The following GALNTL6 variants were observed in gnomAD, a reference collection of about 807,000 sequenced individuals.
GALNTL6 encodes polypeptide N-acetylgalactosaminyltransferase-like 6.
GALNTL6 carries 46 observed loss-of-function variants against 73.7 expected under a neutral mutation model. That is an observed-to-expected ratio of 0.62 (90% CI 0.49 to 0.80). The LOEUF (loss-of-function observed/expected upper bound fraction) is 0.80. Ranked by LOEUF, GALNTL6 falls within the 30% of genes least tolerant of loss-of-function variation. The pLI is 0.00. For missense variants in GALNTL6, 604 were observed against 755.0 expected, an observed-to-expected ratio of 0.80 and a Z score of 2.34; for synonymous variants, 259 against 263.7, an observed-to-expected ratio of 0.98 and a Z score of 0.17.
intron 5 of GALNTL6, among the ~76,000 whole-genome samples, chr4:172,788,950 G>A (rs1239520369): frequency 6.6e-6 from 1 of 152,078 alleles, no homozygotes; most frequent in Admixed American, 6.6e-5. Flanking sequence ...ACACTGTATT[G>A]AAAAAAATTA....
chr4:172,890,277 T>A (rs1215001873), intron 8 of GALNTL6, among the ~76,000 whole-genome samples: 2 of 152,196 alleles, frequency 1.3e-5, no homozygotes, highest in African/African-American at 4.8e-5. Context: ...ATTTCATTAT[T>A]TATTTTTTTC....
chr4:172,490,691 C>G (rs1364625330), intron 5 of GALNTL6, among the ~76,000 whole-genome samples: 1 of 152,050 alleles, frequency 6.6e-6, no homozygotes, highest in East Asian at 1.9e-4. Context: ...CAACAACACT[C>G]TGTGGTGTGC....
At chr4:171,860,542 A>G (rs926414144) in intron 2 of GALNTL6, among the ~76,000 whole-genome samples, 4 of 152,220 alleles carry the variant, frequency 2.6e-5, no homozygotes, top group Admixed American at 2.6e-4. Context: ...ACCACCAGAA[A>G]AAAGACTCTA....
At chr4:172,174,685 A>G (rs1180096119) in intron 2 of GALNTL6, among the ~76,000 whole-genome samples, 1 of 152,232 alleles carries the variant, frequency 6.6e-6, no homozygotes, top group African/African-American at 2.4e-5. Context: ...TTGCATAATC[A>G]TAAAGCAACT....
intron 5 of GALNTL6, among the ~76,000 whole-genome samples, chr4:172,524,356 C>A (rs13105650): frequency 0.15 from 22,497 of 152,078 alleles, 1,917 homozygotes; most frequent in Non-Finnish European, 0.21. Context: ...TCAAGCGATT[C>A]TCCTGCTTCA....
intron 4 of GALNTL6, among the ~76,000 whole-genome samples, chr4:172,317,639 G>A (rs1740608597): frequency 6.6e-6 from 1 of 151,956 alleles, no homozygotes; most frequent in South Asian, 2.1e-4. Context: ...ACTATAAATA[G>A]TTTTTATTTT....
At chr4:172,766,764 A>G (rs1738428569) in intron 5 of GALNTL6, among the ~76,000 whole-genome samples, 2 of 152,244 alleles carry the variant, frequency 1.3e-5, no homozygotes, top group Admixed American at 1.3e-4. Flanking sequence ...AATGCTTTTC[A>G]TCCAAGGATC....
At chr4:172,887,953 G>T (rs137940014) in intron 8 of GALNTL6, among the ~76,000 whole-genome samples, 2 of 152,288 alleles carry the variant, frequency 1.3e-5, no homozygotes, top group South Asian at 2.1e-4. Flanking sequence ...TACAATTGGT[G>T]ATGTTGAGCA....
At position 171,818,267 on chromosome 4, in the gene GALNTL6, A is replaced by G. The variant is rs113108053; in HGVS notation, c.138+3549A>G. Among the ~76,000 whole-genome samples, 1,089 of 151,892 alleles carry G rather than the reference A, an allele frequency of 7.2e-3. 9 individuals carry two copies. The highest frequency in any genetic ancestry group is 0.024 in the African/African-American group (1,015 of 41,520). ...GAACAAAACTACTATATCCAGTCTT[A>G]TTGTATTTCTCTTTTCTTAATCACT... On this transcript the variant is annotated intron_variant, in intron 2 of 12. Transcript: ENST00000506823.
chr4:173,002,176 G>A (rs1157630189), intron 10 of GALNTL6, among the ~76,000 whole-genome samples: 1 of 152,104 alleles, frequency 6.6e-6, no homozygotes. Flanking sequence ...CAGATCAAGA[G>A]GTCAGGAGAT....
intron 2 of GALNTL6, among the ~76,000 whole-genome samples, chr4:172,144,004 A>T (rs1310400382): frequency 6.6e-5 from 10 of 151,962 alleles, no homozygotes; most frequent in Admixed American, 6.6e-4. Context: ...AACCAGAACA[A>T]CTCTGACCTG....
intron 3 of GALNTL6, among the ~76,000 whole-genome samples, chr4:172,281,426 T>G (rs1231159330): frequency 6.6e-6 from 1 of 151,634 alleles, no homozygotes; most frequent in Non-Finnish European, 1.5e-5. Context: ...CCAGGCGTGA[T>G]GTTCACGCCT....
chr4:172,389,322 A>T (rs1030753783), intron 5 of GALNTL6, among the ~76,000 whole-genome samples: 1 of 152,098 alleles, frequency 6.6e-6, no homozygotes, highest in African/African-American at 2.4e-5. Flanking sequence ...GATATAATTA[A>T]AGTAAGACTA....
intron 2 of GALNTL6, among the ~76,000 whole-genome samples, chr4:172,158,150 A>G (rs971123573): frequency 4.6e-5 from 7 of 152,208 alleles, no homozygotes; most frequent in Non-Finnish European, 8.8e-5. Context: ...AATCAGCACC[A>G]GCAGATGGCC....
intron 2 of GALNTL6, among the ~76,000 whole-genome samples, chr4:171,912,971 C>T (rs964549213): frequency 2.0e-5 from 3 of 152,116 alleles, no homozygotes; most frequent in Non-Finnish European, 2.9e-5. Flanking sequence ...TTAGGTTATT[C>T]ACATGATTAT....
chr4:171,901,438 C>A (rs1737092247), intron 2 of GALNTL6, among the ~76,000 whole-genome samples: 1 of 152,132 alleles, frequency 6.6e-6, no homozygotes, highest in Non-Finnish European at 1.5e-5. Flanking sequence ...GCCAGAGAAG[C>A]CATGAAACAG....
chr4:171,931,971 AT>A (rs138902326), intron 2 of GALNTL6, among the ~76,000 whole-genome samples: 6,462 of 152,302 alleles, frequency 0.042, 395 homozygotes, highest in African/African-American at 0.14. Flanking sequence ...CAGCTTTATC[AT>A]TATTTAATGG....
At chr4:172,708,069 CT>C (rs1475354784) in intron 5 of GALNTL6, among the ~76,000 whole-genome samples, 2 of 152,058 alleles carry the variant, frequency 1.3e-5, no homozygotes, top group African/African-American at 4.8e-5. Context: ...AAAAACAAAA[CT>C]TTTTTCTCCT....
chr4:172,231,476 G>T (rs1443378401), intron 3 of GALNTL6, among the ~76,000 whole-genome samples: 2 of 152,088 alleles, frequency 1.3e-5, no homozygotes, highest in African/African-American at 4.8e-5. Flanking sequence ...ATAATTTGCA[G>T]CTCTGGATTA....
Sources: allele counts gnomAD v4.1 joint callset (sites outside exome capture counted in the v4.1 genomes callset), GRCh38; gene constraint gnomAD v4.1.1; transcripts MANE v1.5; gene names NCBI Gene and HGNC (gene_info 2026-07-23, HGNC 2026-07-21).